The following ZFR variants were observed in gnomAD, a reference collection of about 807,000 sequenced individuals.
ZFR encodes the protein zinc finger RNA-binding protein.
A neutral mutation model predicts 130.7 loss-of-function variants in ZFR; 19 were observed. The ratio of observed to expected loss-of-function variants is 0.15; its 90% confidence interval spans 0.10 to 0.21. The LOEUF is 0.21. Among genes scored for constraint, ZFR ranks in the 10% least tolerant of loss-of-function variants. The pLI is 1.00. For synonymous variants in ZFR, 466 were observed against 456.9 expected (o/e 1.02, Z -0.25); for missense variants, 872 against 1,321.5 (o/e 0.66, Z 5.27).
At chr5:32,357,099 CAGCCTCCCG>C (rs754458501) in intron 19 of ZFR, among the ~76,000 whole-genome samples, 3 of 152,020 alleles carry the variant, frequency 2.0e-5, no homozygotes, top group Non-Finnish European at 4.4e-5. Flanking sequence ...AGATCTCACT[CAGCCTCCCG>C]AGTAGCCAGG....
chr5:32,363,872 T>C (rs1752484458), intron 19 of ZFR, 76 bp downstream of exon 19: 2 of 1,202,498 alleles, frequency 1.7e-6, no homozygotes, highest in Non-Finnish European at 2.4e-6. Context: ...CTTATAATAT[T>C]CCTTAAGACA....
intron 17 of ZFR, among the ~76,000 whole-genome samples, chr5:32,377,235 C>T (rs1307083104): frequency 1.4e-5 from 2 of 139,168 alleles, no homozygotes; most frequent in African/African-American, 5.0e-5. Flanking sequence ...TCTCTCTCTC[C>T]TCTCTCTCTT....
Position 32,375,340 on chromosome 5 carries a change from G to A in ZFR, c.2835+3775C>T, listed in dbSNP as rs548106943. 5.3e-5 allele frequency among the ~76,000 whole-genome samples: 8 copies of A among 152,218 alleles called. No homozygotes were observed. In the South Asian group the frequency reaches 1.0e-3, roughly 20 times the overall value. ...TATCTCAAATAAAAGGCTATATACC[G>A]TCATGCTTAATACAGTTTATAGACC... is the stretch of plus-strand genomic sequence containing the variant. On this transcript the variant is annotated intron_variant, in intron 17 of 19. Transcript: ENST00000265069.
Position 32,395,323 on chromosome 5 carries a change from C to T in ZFR, c.1834-19G>A, listed in dbSNP as rs192304445. 1.9e-4 allele frequency: 286 copies of T among 1,510,830 alleles called. No homozygotes were observed. Among genetic ancestry groups the T allele is most frequent in the Non-Finnish European group, 2.4e-4 (273 of 1,132,536 alleles). The allele number at this position is 1,510,830 out of a possible 1,614,324, so 93.6% of individuals were successfully genotyped here. On this transcript the variant is annotated intron_variant, in intron 10 of 19. Transcript: ENST00000265069. ...CTTTTTTCTATTAATATAAATAAGA[C>T]ATTTAAAAAACAGCAGCCCCAAAAC...
intron 2 of ZFR, among the ~76,000 whole-genome samples, chr5:32,436,605 A>G (rs1216187191): frequency 6.6e-6 from 1 of 152,220 alleles, no homozygotes; most frequent in African/African-American, 2.4e-5. Flanking sequence ...AATATATGCC[A>G]GATACTGTTC....
intron 6 of ZFR, 110 bp from the exon 7 acceptor site, chr5:32,404,207 A>G: frequency 1.0e-6 from 1 of 954,418 alleles, no homozygotes; most frequent in Admixed American, 2.7e-5. Context: ...GACCAAAACA[A>G]ACTTTTTAAG....
rs182142060 is a variant in ZFR, at chr5:32,404,892, C to T, written c.1033-795G>A. ...AGTGCGGTGGCACAATCTTGGGTCA[C>T]CGCAATCTCCACCTCCCAGGCTCAT... On this transcript the variant is annotated intron_variant, in intron 6 of 19. Coordinates refer to ENST00000265069, the MANE Select transcript of ZFR (RefSeq NM_016107.5). Among the ~76,000 whole-genome samples, 413 of 152,230 alleles carry T rather than the reference C, an allele frequency of 2.7e-3. 2 individuals are homozygous for T. The highest frequency in any genetic ancestry group is 4.6e-3 in the Non-Finnish European group (314 of 68,022).
At chr5:32,436,131 A>C (rs1442741931) in intron 2 of ZFR, among the ~76,000 whole-genome samples, 1 of 133,446 alleles carries the variant, frequency 7.5e-6, no homozygotes, top group East Asian at 2.2e-4. Flanking sequence ...TGGTAACCAC[A>C]GTTGTATTCT....
intron 19 of ZFR, among the ~76,000 whole-genome samples, chr5:32,356,663 C>T (rs979314260): frequency 2.0e-5 from 3 of 152,108 alleles, no homozygotes; most frequent in African/African-American, 7.2e-5. Flanking sequence ...TCGTGATCCG[C>T]CCGCCTCGGC....
At chr5:32,363,325 C>T (rs1171151709) in intron 19 of ZFR, among the ~76,000 whole-genome samples, 1 of 151,950 alleles carries the variant, frequency 6.6e-6, no homozygotes, top group African/African-American at 2.4e-5. Context: ...TTTTCTTTTT[C>T]ATAATTATTC....
chr5:32,428,526 G>A (rs1053730465), intron 2 of ZFR, among the ~76,000 whole-genome samples: 1 of 152,246 alleles, frequency 6.6e-6, no homozygotes, highest in African/African-American at 2.4e-5. Context: ...TCAGTGAGCT[G>A]TGACTGCACC....
At chr5:32,400,662 A>T (rs1487358663) in intron 8 of ZFR, among the ~76,000 whole-genome samples, 1 of 152,162 alleles carries the variant, frequency 6.6e-6, no homozygotes, top group East Asian at 1.9e-4. Flanking sequence ...TAGAAGTTTG[A>T]GACCAGCCGG....
intron 17 of ZFR, among the ~76,000 whole-genome samples, chr5:32,376,277 A>C (rs563740870): frequency 6.6e-6 from 1 of 152,378 alleles, no homozygotes; most frequent in South Asian, 2.1e-4. Flanking sequence ...ATATCCTACC[A>C]AAAATTTTGT....
intron 19 of ZFR, among the ~76,000 whole-genome samples, chr5:32,360,019 T>C (rs767401769): frequency 4.6e-5 from 7 of 152,012 alleles, no homozygotes; most frequent in Non-Finnish European, 1.0e-4. Flanking sequence ...TACATGACCA[T>C]GTGTATGTAA....
intron 17 of ZFR, among the ~76,000 whole-genome samples, chr5:32,377,851 C>T (rs1488689301): frequency 6.6e-6 from 1 of 152,006 alleles, no homozygotes; most frequent in Non-Finnish European, 1.5e-5. Flanking sequence ...GCCACCATGC[C>T]CAGCTAATTG....
chr5:32,441,975 A>AG (rs1342543576), intron 2 of ZFR, among the ~76,000 whole-genome samples: 2 of 152,230 alleles, frequency 1.3e-5, no homozygotes, highest in African/African-American at 4.8e-5. Context: ...TATTAGAAAC[A>AG]GAAATTCTGT....
rs772741162 is a variant in ZFR at position 32,400,219 on chromosome 5, A to C, written c.1517-16T>G. The C allele has an allele frequency of 2.0e-6, 3 of 1,536,008 alleles. No individual in the cohort carries two copies. Among genetic ancestry groups the C allele is most frequent in the Non-Finnish European group, 2.6e-6 (3 of 1,146,312 alleles). The stretch of plus-strand genomic sequence containing the variant: ...TTATTACCACCTAGAAAAGTATCAA[A>C]AAGTTAAAAAAAATTTTATTTTTGT... On this transcript the variant is annotated splice_polypyrimidine_tract_variant and intron_variant, in intron 8 of 19. Coordinates refer to ENST00000265069, the MANE Select transcript of ZFR (RefSeq NM_016107.5).
In ZFR at chr5:32,405,585, A is replaced by C. The variant is rs1753563039; in HGVS notation, c.1032+1189T>G. On this transcript the variant is annotated intron_variant, in intron 6 of 19. Transcript: ENST00000265069. ...TTTCATATAAGCCAGGTAATCAATA[A>C]ATTTCTTATGTCCAAGTCTGGCACT... 2.0e-5 allele frequency among the ~76,000 whole-genome samples: 3 copies of C among 152,148 alleles called. No individual in the cohort carries two copies. The South Asian group carries it at 6.2e-4, about 31-fold the overall frequency.
chr5:32,373,745 T>C (rs1752732467), intron 17 of ZFR, among the ~76,000 whole-genome samples: 2 of 152,150 alleles, frequency 1.3e-5, no homozygotes, highest in South Asian at 4.1e-4. Flanking sequence ...ATTTTAAATG[T>C]CAAAATACTG....
Sources: gnomAD v4.1 joint callset for allele counts (sites outside exome capture counted in the v4.1 genomes callset) on GRCh38, gnomAD v4.1.1 for gene constraint, MANE v1.5 for transcripts, NCBI Gene and HGNC (gene_info 2026-07-23, HGNC 2026-07-21) for gene names.